The following AP3B1 variants were observed in gnomAD, a reference collection of about 807,000 sequenced individuals.
The protein encoded by AP3B1 is adaptor related protein complex 3 subunit beta 1.
Under a neutral mutation model 132.5 loss-of-function variants are expected in AP3B1, and 61 were observed. That is an observed-to-expected ratio of 0.46 (90% CI 0.37 to 0.57). The LOEUF (loss-of-function observed/expected upper bound fraction) is 0.57, where lower values mean the gene tolerates loss of function less well. Ranked by LOEUF, AP3B1 falls within the 20% of genes least tolerant of loss-of-function variation. The pLI is 0.00. For missense variants in AP3B1, 1,120 were observed against 1,289.4 expected, an observed-to-expected ratio of 0.87 and a Z score of 2.01; for synonymous variants, 388 against 438.3, an observed-to-expected ratio of 0.89 and a Z score of 1.43.
At chr5:78,200,007 T>G (rs1310615874) in intron 7 of AP3B1, among the ~76,000 whole-genome samples, 1 of 152,072 alleles carries the variant, frequency 6.6e-6, no homozygotes, top group Admixed American at 6.6e-5. Flanking sequence ...TTTTAAAATA[T>G]GAAGATAACC....
intron 17 of AP3B1, among the ~76,000 whole-genome samples, chr5:78,118,769 G>C (rs1751994776): frequency 1.3e-5 from 2 of 152,220 alleles, no homozygotes; most frequent in Non-Finnish European, 2.9e-5. Flanking sequence ...CAAACAAAAA[G>C]ACAGCAGTAA....
At chr5:78,163,464 T>C (rs1007508498) in intron 12 of AP3B1, among the ~76,000 whole-genome samples, 2 of 152,144 alleles carry the variant, frequency 1.3e-5, no homozygotes, top group African/African-American at 4.8e-5. Flanking sequence ...ATAGTTACGG[T>C]GAACAGTATT....
chr5:78,286,745 T>C (rs1182581491), intron 1 of AP3B1, among the ~76,000 whole-genome samples: 2 of 152,224 alleles, frequency 1.3e-5, no homozygotes, highest in Non-Finnish European at 2.9e-5. Flanking sequence ...CTAATTAGGC[T>C]GGTTCCTATC....
chr5:78,204,523 A>G (rs903687529), intron 7 of AP3B1, among the ~76,000 whole-genome samples: 3 of 152,290 alleles, frequency 2.0e-5, no homozygotes, highest in African/African-American at 7.2e-5. Context: ...TATCCACAGG[A>G]GCTTCTCAAC....
At position 78,049,202 on chromosome 5, in the gene AP3B1, C is replaced by T. The variant is rs530147550; in HGVS notation, c.2578-9928G>A. Among the ~76,000 whole-genome samples, 8 of 152,300 alleles carry T rather than the reference C, an allele frequency of 5.3e-5. No homozygotes were observed. The South Asian group carries it at 1.2e-3, about 24-fold the overall frequency. On this transcript the variant is annotated intron_variant, in intron 22 of 26. Transcript: ENST00000255194. Reference sequence around the variant, plus strand: ...CAAGGCCCACAATAACAACAAAGTACGGCTTTGCCTTTCTTTGTCCTCTGA... The same window carrying T: ...CAAGGCCCACAATAACAACAAAGTATGGCTTTGCCTTTCTTTGTCCTCTGA...
rs1262089756 is a variant in AP3B1, at chr5:78,193,744, T to TA, written c.787-12083_787-12082insT. 2.1e-3 allele frequency among the ~76,000 whole-genome samples: 228 copies of TA among 110,376 alleles called. 1 individual carries two copies. The highest frequency in any genetic ancestry group is 9.1e-3 in the East Asian group (35 of 3,834). 72.4% of individuals were successfully genotyped at this position (110,376 alleles called of 152,430 possible). A position where few individuals can be genotyped will look rare whatever the true frequency, so the allele number is the denominator to read the frequency against. ...TTTTTAAATATTTGTATATATTTTT[T>TA]TATATATATATATATATATATATAT... On this transcript the variant is annotated intron_variant, in intron 7 of 26. Transcript: ENST00000255194.
chr5:78,216,700 T>A (rs1400391506), intron 6 of AP3B1, among the ~76,000 whole-genome samples: 1 of 152,160 alleles, frequency 6.6e-6, no homozygotes. Context: ...AAAAAGTATA[T>A]GAGAAATTCA....
chr5:78,044,482 C>T (rs911877872), intron 22 of AP3B1, among the ~76,000 whole-genome samples: 1 of 152,032 alleles, frequency 6.6e-6, no homozygotes, highest in African/African-American at 2.4e-5. Context: ...TTGATGTAGC[C>T]AGCTTTATCT....
chr5:78,029,078 T>C (rs1395574094), intron 24 of AP3B1, among the ~76,000 whole-genome samples: 4 of 152,192 alleles, frequency 2.6e-5, no homozygotes, highest in Non-Finnish European at 4.4e-5. Context: ...TGTAAACATA[T>C]ATATCTTAGA....
intron 6 of AP3B1, among the ~76,000 whole-genome samples, chr5:78,221,568 A>C (rs1309478953): frequency 1.3e-5 from 2 of 152,034 alleles, no homozygotes; most frequent in African/African-American, 4.8e-5. Flanking sequence ...GTGCCCTTCG[A>C]ATAAAATTAC....
intron 21 of AP3B1, among the ~76,000 whole-genome samples, chr5:78,094,824 G>T (rs1275920670): frequency 6.6e-6 from 1 of 152,080 alleles, no homozygotes; most frequent in East Asian, 1.9e-4. Context: ...GGGATTACAG[G>T]TGTGCACCAC....
intron 17 of AP3B1, among the ~76,000 whole-genome samples, chr5:78,119,666 G>A (rs1305927018): frequency 1.3e-5 from 2 of 152,180 alleles, no homozygotes; most frequent in Admixed American, 6.5e-5. Context: ...AACGAACAAA[G>A]CCTCCAAGAA....
At chr5:78,152,303 G>T (rs184326937) in intron 14 of AP3B1, among the ~76,000 whole-genome samples, 18 of 151,894 alleles carry the variant, frequency 1.2e-4, no homozygotes, top group African/African-American at 4.3e-4. Flanking sequence ...GAAGCCATCG[G>T]ATCCTGGGCT....
At chr5:78,202,811 T>G (rs1403283435) in intron 7 of AP3B1, among the ~76,000 whole-genome samples, 1 of 152,164 alleles carries the variant, frequency 6.6e-6, no homozygotes, top group Non-Finnish European at 1.5e-5. Context: ...AAATTTTATG[T>G]CAACAAAAGG....
At chr5:78,097,221 G>T (rs1337786354) in intron 21 of AP3B1, among the ~76,000 whole-genome samples, 1 of 117,202 alleles carries the variant, frequency 8.5e-6, no homozygotes. Flanking sequence ...CAGCCACCCC[G>T]TCCGGGAGGG....
At chr5:78,100,271 A>T (rs1439573590) in intron 21 of AP3B1, among the ~76,000 whole-genome samples, 1 of 152,098 alleles carries the variant, frequency 6.6e-6, no homozygotes, top group Non-Finnish European at 1.5e-5. Context: ...CTCTATCAAA[A>T]ATGATAGTAG....
intron 1 of AP3B1, among the ~76,000 whole-genome samples, chr5:78,283,427 T>C (rs75121500): frequency 0.01 from 1,530 of 152,336 alleles, 23 homozygotes; most frequent in African/African-American, 0.034. Context: ...TCAACTTTCA[T>C]GGTTTCCCCA....
At chr5:78,126,105 C>T (rs1414513951) in intron 17 of AP3B1, among the ~76,000 whole-genome samples, 1 of 151,144 alleles carries the variant, frequency 6.6e-6, no homozygotes, top group Non-Finnish European at 1.5e-5. Context: ...AAAAACGAAC[C>T]ATAAAAACAA....
At position 78,097,577 on chromosome 5, in the gene AP3B1, C is replaced by T. The variant is rs4703752; in HGVS notation, c.2470+3376G>A. Among the ~76,000 whole-genome samples, 413 of 84,540 alleles carry T rather than the reference C, an allele frequency of 4.9e-3. 72 individuals are homozygous for T. The highest frequency in any genetic ancestry group is 0.022 in the Admixed American group (164 of 7,442). The allele number at this position is 84,540 out of a possible 152,430, so 55.5% of individuals were successfully genotyped here. ...GGAGGTAGGGGGTCAGCCCCCCGCC[C>T]GGCCAGCCGCCCCGTCCGGGAGGGA... On this transcript the variant is annotated intron_variant, in intron 21 of 26. Transcript: ENST00000255194.
Sources: allele counts gnomAD v4.1 joint callset (sites outside exome capture counted in the v4.1 genomes callset), GRCh38; gene constraint gnomAD v4.1.1; transcripts MANE v1.5; gene names NCBI Gene and HGNC (gene_info 2026-07-23, HGNC 2026-07-21).